Variants in ZBTB8OS observed in about 807,000 individuals in gnomAD.
ZBTB8OS encodes the protein tRNA splicing ligase complex subunit 1.
Under a neutral mutation model 29.3 loss-of-function variants are expected in ZBTB8OS, and 16 were observed. The ratio of observed to expected loss-of-function variants is 0.55; its 90% CI spans 0.37 to 0.83. The LOEUF (loss-of-function observed/expected upper bound fraction) is 0.83. Ranked by LOEUF, ZBTB8OS falls within the 40% of genes least tolerant of loss-of-function variation. The pLI is 0.00. For missense variants in ZBTB8OS, 160 were observed against 196.9 expected, an observed-to-expected ratio of 0.81 and a Z score of 1.12; for synonymous variants, 70 against 64.6, an observed-to-expected ratio of 1.08 and a Z score of -0.40.
At chr1:32,633,332 G>A (rs774655208) in intron 4 of ZBTB8OS, 5 of 228,016 alleles carry the variant, frequency 2.2e-5, no homozygotes, top group South Asian at 7.8e-5. Context: ...GACTAGCCTC[G>A]ACAACATAGC....
chr1:32,632,785 C>T (rs374633870), intron 4 of ZBTB8OS, among the ~76,000 whole-genome samples: 2 of 152,120 alleles, frequency 1.3e-5, no homozygotes, highest in African/African-American at 4.8e-5. Context: ...AGGGGCAGTA[C>T]CTCTGCCGCT....
At chr1:32,637,734 A>G (rs116078899) in intron 1 of ZBTB8OS, among the ~76,000 whole-genome samples, 320 of 152,324 alleles carry the variant, frequency 2.1e-3, no homozygotes, top group Non-Finnish European at 3.8e-3. Context: ...AACACGTTCT[A>G]TAGATTGGAT....
intron 1 of ZBTB8OS, among the ~76,000 whole-genome samples, chr1:32,637,418 AT>A (rs978623103): frequency 2.7e-5 from 4 of 149,880 alleles, no homozygotes; most frequent in African/African-American, 1.0e-4. Flanking sequence ...AAAAAAAAAA[AT>A]GAGCTGGGCG....
intron 1 of ZBTB8OS, 116 bp from the exon 2 acceptor site, chr1:32,634,908 T>C (rs1423001795): frequency 2.5e-6 from 2 of 796,602 alleles, no homozygotes; most frequent in Non-Finnish European, 4.5e-6. Flanking sequence ...AGCAAGAAAA[T>C]GTGGGCCAGT....
intron 5 of ZBTB8OS, 134 bp from the exon 6 acceptor site, chr1:32,627,678 T>G: frequency 1.4e-6 from 1 of 736,510 alleles, no homozygotes; most frequent in Non-Finnish European, 2.3e-6. Context: ...TTAAGTTTCA[T>G]TTTCATTTGT....
At chr1:32,629,714 C>T (rs1570516090) in intron 5 of ZBTB8OS, among the ~76,000 whole-genome samples, 1 of 150,058 alleles carries the variant, frequency 6.7e-6, no homozygotes, top group Middle Eastern at 3.6e-3. Flanking sequence ...TCTGTTCAAA[C>T]ACTTATTAGC....
chr1:32,631,982 T>C (rs1184658544), intron 4 of ZBTB8OS, 103 bp from the exon 5 acceptor site: 8 of 455,754 alleles, frequency 1.8e-5, no homozygotes, highest in Non-Finnish European at 2.7e-5. Context: ...CTACTAAAAA[T>C]TGGTAAAACC....
intron 1 of ZBTB8OS, among the ~76,000 whole-genome samples, chr1:32,647,040 T>TAAAA (rs1646893154): frequency 5.0e-4 from 2 of 4,040 alleles, no homozygotes; most frequent in Non-Finnish European, 1.5e-3. Context: ...AGATACTGTC[T>TAAAA]CAAAAAAAAA....
rs1048407190 is a variant in ZBTB8OS, at chr1:32,638,288, G to A, written c.98-3496C>T. Among the ~76,000 whole-genome samples the A allele has an allele frequency of 1.1e-4, 16 of 143,948 alleles. No individual in the cohort carries two copies. In the South Asian group the frequency reaches 1.3e-3, roughly 12 times the overall value. 94.4% of individuals were successfully genotyped at this position (143,948 alleles called of 152,430 possible). On this transcript the variant is annotated intron_variant, in intron 1 of 6. Coordinates refer to ENST00000468695, the MANE Select transcript of ZBTB8OS (RefSeq NM_178547.5). ...CCTCGCTGCAACTTCCACCTCCCAG[G>A]TTCAAGTGATTCTCCTGCCTTAGCC...
chr1:32,646,303 C>G (rs1293563083), intron 1 of ZBTB8OS, among the ~76,000 whole-genome samples: 2 of 150,546 alleles, frequency 1.3e-5, no homozygotes, highest in Admixed American at 6.6e-5. Flanking sequence ...GCTTGGGTGA[C>G]AGAATGAGAC....
intron 6 of ZBTB8OS, among the ~76,000 whole-genome samples, chr1:32,625,358 C>A (rs1445603315): frequency 6.6e-6 from 1 of 151,972 alleles, no homozygotes; most frequent in East Asian, 1.9e-4. Flanking sequence ...CATGGTGAAA[C>A]CCCATCTCTA....
rs1255429372 is a variant in ZBTB8OS, at chr1:32,621,865, A to G, written c.501T>C (p.Ile167=). ...ENPEVFVIID[I] The stretch of plus-strand genomic sequence containing the variant: ...GAGTCTTTTATTTTTTGGTGTCTTA[A>G]ATGTCAATGATCACAAAAACTTCCG... The change falls in exon 7 of 7, where the codon ATT becomes ATC. Residue 167 remains isoleucine, a synonymous_variant. Transcript: ENST00000468695. The G allele has an allele frequency of 6.3e-7, 1 of 1,587,248 alleles. No homozygotes were observed. Among genetic ancestry groups the G allele is most frequent in the South Asian group, 1.2e-5 (1 of 84,496 alleles).
In ZBTB8OS at chr1:32,641,946, A is replaced by AAAACC. The variant is rs1176858794; in HGVS notation, c.98-7159_98-7155dup. On this transcript the variant is annotated intron_variant, in intron 1 of 6. Coordinates refer to ENST00000468695, the MANE Select transcript of ZBTB8OS (RefSeq NM_178547.5). ...TGTCTCAAACAAAACAAAACAAAAC[A>AAAACC]AAACCTTTGTACATACTTCCAATTT... is the stretch of plus-strand genomic sequence containing the variant. 2.0e-5 allele frequency among the ~76,000 whole-genome samples: 3 copies of AAAACC among 152,032 alleles called. No individual in the cohort carries two copies. The East Asian group carries it at 5.9e-4, about 30-fold the overall frequency.
At chr1:32,627,632 G>A in intron 5 of ZBTB8OS, 88 bp from the exon 6 acceptor site, 1 of 1,318,090 alleles carries the variant, frequency 7.6e-7, no homozygotes, top group Non-Finnish European at 1.1e-6. Context: ...TAACATGCTA[G>A]AAAGCCAAAA....
intron 1 of ZBTB8OS, 71 bp downstream of exon 1, chr1:32,650,362 G>A: frequency 6.3e-7 from 1 of 1,592,512 alleles, no homozygotes; most frequent in Middle Eastern, 1.8e-4. Flanking sequence ...AAGAGCAGCA[G>A]GAAGCCGCGG....
At chr1:32,624,998 T>C (rs1427897188) in intron 6 of ZBTB8OS, among the ~76,000 whole-genome samples, 1 of 151,350 alleles carries the variant, frequency 6.6e-6, no homozygotes, top group Non-Finnish European at 1.5e-5. Flanking sequence ...CCAAGGTGGG[T>C]GGATCACCTG....
At chr1:32,631,693 C>T in intron 5 of ZBTB8OS, 134 bp downstream of exon 5, 1 of 618,338 alleles carries the variant, frequency 1.6e-6, no homozygotes, top group Non-Finnish European at 2.8e-6. Flanking sequence ...CTGGTCCTTC[C>T]AAGCCCTTAG....
chr1:32,645,116 T>G (rs1013014517), intron 1 of ZBTB8OS, among the ~76,000 whole-genome samples: 1 of 151,332 alleles, frequency 6.6e-6, no homozygotes, highest in Non-Finnish European at 1.5e-5. Context: ...GAGGAGGAGG[T>G]TGCAGTGAGC....
chr1:32,628,343 C>G (rs1180989275), intron 5 of ZBTB8OS, among the ~76,000 whole-genome samples: 5 of 131,972 alleles, frequency 3.8e-5, no homozygotes, highest in Non-Finnish European at 8.0e-5. Flanking sequence ...GGCAACAGAG[C>G]GAAATGAAAA....
Sources: allele counts gnomAD v4.1 joint callset (sites outside exome capture counted in the v4.1 genomes callset), GRCh38; gene constraint gnomAD v4.1.1; transcripts MANE v1.5; gene names NCBI Gene and HGNC (gene_info 2026-07-23, HGNC 2026-07-21).